TARBP1: variants seen among roughly 807,000 people sequenced by gnomAD.
TARBP1 encodes tRNA guanosine 2 -O-methyltransferase TARBP1, also known as tRNA (guanosine(18)-2'-O)-methyltransferase TARBP1.
TARBP1 carries 144 observed loss-of-function variants against 178.6 expected under a neutral mutation model. That is an observed-to-expected ratio of 0.81 (90% CI 0.70 to 0.93). The LOEUF (loss-of-function observed/expected upper bound fraction) is 0.93. TARBP1 is among the 40% of genes least tolerant of loss of function. TARBP1 has a pLI of 0.00. For missense variants in TARBP1, 2,067 were observed against 2,011.7 expected (o/e 1.03, Z -0.53); for synonymous variants, 787 against 781.0 (o/e 1.01, Z -0.13).
chr1:234,421,439 CA>C (rs1287632104), intron 20 of TARBP1, among the ~76,000 whole-genome samples: 1 of 152,150 alleles, frequency 6.6e-6, no homozygotes, highest in Non-Finnish European at 1.5e-5. Flanking sequence ...CTATGGGTTC[CA>C]GGGGCGAAAA....
At chr1:234,463,023 T>C (rs1439578715) in intron 6 of TARBP1, among the ~76,000 whole-genome samples, 1 of 152,244 alleles carries the variant, frequency 6.6e-6, no homozygotes, top group Non-Finnish European at 1.5e-5. Flanking sequence ...AGTGCTTTTG[T>C]GCTGTGCTTT....
Position 234,430,741 on chromosome 1 carries a change from G to C in TARBP1, c.2395-440C>G, listed in dbSNP as rs184634046. On this transcript the variant is annotated intron_variant, in intron 14 of 29. Transcript: ENST00000040877. ...TTAAAAAAAAAAATAAAAGGCTCCA[G>C]GTTACAAATAATTCCTTCTATCAGC... 3.3e-5 allele frequency among the ~76,000 whole-genome samples: 5 copies of C among 152,284 alleles called. No individual in the cohort carries two copies. The East Asian group carries it at 7.7e-4, about 24-fold the overall frequency.
At chr1:234,438,449 G>A (rs1353888462) in intron 12 of TARBP1, among the ~76,000 whole-genome samples, 4 of 152,078 alleles carry the variant, frequency 2.6e-5, no homozygotes, top group Non-Finnish European at 5.9e-5. Flanking sequence ...AGAAACAGAA[G>A]ATATATAGAA....
intron 3 of TARBP1, among the ~76,000 whole-genome samples, 178 bp downstream of exon 3, chr1:234,471,010 G>A (rs1668998052): frequency 6.6e-6 from 1 of 152,002 alleles, no homozygotes; most frequent in Non-Finnish European, 1.5e-5. Context: ...GATCCAGAAG[G>A]TGTGTATCTG....
In TARBP1 at chr1:234,429,558, G is replaced by A. The variant is rs144369437; in HGVS notation, c.2729C>T (p.Thr910Ile). 2.6e-5 allele frequency: 42 copies of A among 1,614,082 alleles called. No homozygotes were observed. Among genetic ancestry groups the A allele is most frequent in the Admixed American group, 5.0e-5 (3 of 60,012 alleles). The part of the protein sequence containing the change: ...LKKYHTLIPT[T>I]GSEILEPFLP... Reference sequence around the variant, plus strand: ...AAACGGTTCCAGAATTTCACTCCCTGTGGTTGGTATAAGGGTGTGATATTT... The same window carrying A: ...AAACGGTTCCAGAATTTCACTCCCTATGGTTGGTATAAGGGTGTGATATTT... Residue 910 changes from threonine (T) to isoleucine (I), a missense_variant, in exon 16 of 30, where the codon ACA (threonine) becomes ATA (isoleucine). Coordinates refer to ENST00000040877, the MANE Select transcript of TARBP1 (RefSeq NM_005646.4).
At chr1:234,461,060 C>T (rs1667808083) in intron 6 of TARBP1, among the ~76,000 whole-genome samples, 1 of 152,184 alleles carries the variant, frequency 6.6e-6, no homozygotes, top group Non-Finnish European at 1.5e-5. Context: ...CGACTATTAA[C>T]ACACCTGAGG....
At chr1:234,428,695 G>C (rs1030964198) in intron 17 of TARBP1, among the ~76,000 whole-genome samples, 25 of 152,122 alleles carry the variant, frequency 1.6e-4, no homozygotes, top group African/African-American at 5.8e-4. Flanking sequence ...ACAGGCGTGC[G>C]CCACCACACC....
rs764991355 is a variant in TARBP1, at chr1:234,398,528, A to C, written c.4097T>G (p.Leu1366Arg). 1 of 1,595,372 alleles carries C rather than the reference A, an allele frequency of 6.3e-7. No individual in the cohort carries two copies. The highest frequency in any genetic ancestry group is 1.1e-5 in the South Asian group (1 of 87,576). ...CCATTCATCTTCAATAAGGCCTGAA[A>C]GGCGTGGAAGGATGTAAAATATGGT... ...LETIFYILPR[L>R]SGLIEDEWIT... Residue 1366 changes from leucine (L) to arginine (R), a missense_variant, in exon 26 of 30, where the codon CTT (leucine) becomes CGT (arginine). Transcript: ENST00000040877.
chr1:234,418,822 C>T (rs1003753896), intron 21 of TARBP1, among the ~76,000 whole-genome samples: 3 of 152,174 alleles, frequency 2.0e-5, no homozygotes, highest in Admixed American at 6.5e-5. Flanking sequence ...TATCGGGGGA[C>T]GGAACCTATC....
intron 10 of TARBP1, among the ~76,000 whole-genome samples, chr1:234,449,428 G>A (rs890087660): frequency 3.9e-5 from 6 of 152,212 alleles, no homozygotes; most frequent in African/African-American, 1.4e-4. Context: ...TTTCAGCTGA[G>A]ATGAGTGTTC....
chr1:234,476,620 T>G (rs1021548259), intron 1 of TARBP1, among the ~76,000 whole-genome samples: 1 of 152,192 alleles, frequency 6.6e-6, no homozygotes, highest in African/African-American at 2.4e-5. Flanking sequence ...CAAAATCATA[T>G]GAAAAACTTG....
At chr1:234,428,189 G>A (rs10797545) in intron 17 of TARBP1, among the ~76,000 whole-genome samples, 14,589 of 152,154 alleles carry the variant, frequency 0.096, 857 homozygotes, top group East Asian at 0.23. Flanking sequence ...GAGAAATAAC[G>A]GAATCTGACT....
chr1:234,452,990 A>C (rs1417184634), intron 9 of TARBP1, among the ~76,000 whole-genome samples: 1 of 152,238 alleles, frequency 6.6e-6, no homozygotes, highest in Admixed American at 6.5e-5. Context: ...GATTCCAACT[A>C]TGTGGCATTA....
At chr1:234,471,376 A>G in intron 2 of TARBP1, 119 bp from the exon 3 acceptor site, 3 of 674,358 alleles carry the variant, frequency 4.4e-6, no homozygotes, top group Non-Finnish European at 7.7e-6. Flanking sequence ...ATGTAGAAAG[A>G]GCCTGATTTA....
chr1:234,402,866 G>T (rs554121324), intron 24 of TARBP1, among the ~76,000 whole-genome samples: 4 of 152,010 alleles, frequency 2.6e-5, no homozygotes, highest in African/African-American at 9.7e-5. Flanking sequence ...GATTACAGGC[G>T]AGAGCCACTG....
intron 4 of TARBP1, among the ~76,000 whole-genome samples, chr1:234,466,615 C>A (rs1450470424): frequency 6.6e-6 from 1 of 152,072 alleles, no homozygotes; most frequent in East Asian, 1.9e-4. Context: ...GTAATCCCAG[C>A]ACTTTGGGAG....
intron 12 of TARBP1, among the ~76,000 whole-genome samples, chr1:234,439,371 A>C (rs1255801429): frequency 1.3e-5 from 2 of 152,198 alleles, no homozygotes; most frequent in Non-Finnish European, 2.9e-5. Flanking sequence ...TCAGAAGGGA[A>C]GTTTCTATAT....
In TARBP1 at chr1:234,414,970, C is replaced by T. The variant is rs148456966; in HGVS notation, c.3705+3114G>A. ...CTGCACTCCAGTCTGGGCGACAGAG[C>T]GAGACTCTGTCTCAAAAAAATTAAT... On this transcript the variant is annotated intron_variant, in intron 22 of 29. Coordinates refer to ENST00000040877, the MANE Select transcript of TARBP1 (RefSeq NM_005646.4). Among the ~76,000 whole-genome samples the T allele has an allele frequency of 5.8e-3, 876 of 151,688 alleles. 6 individuals are homozygous for T. Among genetic ancestry groups the T allele is most frequent in the African/African-American group, 0.019 (786 of 41,306 alleles).
In TARBP1 at chr1:234,419,110, C is replaced by T. The variant is rs573245120; in HGVS notation, c.3556-877G>A. Among the ~76,000 whole-genome samples, 27 of 151,932 alleles carry T rather than the reference C, an allele frequency of 1.8e-4. 1 individual carries two copies. The East Asian group carries it at 3.5e-3, about 20-fold the overall frequency. On this transcript the variant is annotated intron_variant, in intron 21 of 29. Coordinates refer to ENST00000040877, the MANE Select transcript of TARBP1 (RefSeq NM_005646.4). ...TGGCGTGAACCCTGGGGGGCGGAGC[C>T]TGCAGTGAGCCGAGATCGTGCCACT... is the stretch of plus-strand genomic sequence containing the variant.
Sources: allele counts gnomAD v4.1 joint callset (sites outside exome capture counted in the v4.1 genomes callset), GRCh38; gene constraint gnomAD v4.1.1; transcripts MANE v1.5; gene names NCBI Gene and HGNC (gene_info 2026-07-23, HGNC 2026-07-21).